Variants in CTXND2 observed in about 807,000 individuals in gnomAD.
The protein encoded by CTXND2 is cortexin domain containing 2.
chr1:150,893,708 C>T (rs1668880437), intron 1 of CTXND2, among the ~76,000 whole-genome samples: 1 of 152,126 alleles, frequency 6.6e-6, no homozygotes, highest in African/African-American at 2.4e-5. Context: ...ATCCTGCTGC[C>T]TCAGCCTCCC....
chr1:150,910,696 C>T (rs112690155), intron 1 of CTXND2, among the ~76,000 whole-genome samples: 1 of 148,676 alleles, frequency 6.7e-6, no homozygotes, highest in African/African-American at 2.5e-5. Flanking sequence ...CAGTAGCATG[C>T]TCTCGGCTCA....
intron 1 of CTXND2, among the ~76,000 whole-genome samples, chr1:150,906,877 A>G (rs886630626): frequency 2.6e-5 from 4 of 152,208 alleles, no homozygotes; most frequent in African/African-American, 4.8e-5. Flanking sequence ...AAGCAGCACC[A>G]TTTGAAGGGG....
At chr1:150,905,517 T>C (rs182205520) in intron 1 of CTXND2, among the ~76,000 whole-genome samples, 119 of 152,248 alleles carry the variant, frequency 7.8e-4, no homozygotes, top group African/African-American at 2.8e-3. Context: ...GTAAAAGATA[T>C]GAGTGCAACT....
rs879104942 is a variant in CTXND2, at chr1:150,912,437, T to C, written c.123T>C (p.Asn41=). 24 of 398,452 alleles carry C rather than the reference T, an allele frequency of 6.0e-5. 1 individual carries two copies. In the Admixed American group the frequency reaches 1.1e-3, roughly 18 times the overall value. The allele number at this position is 398,452 out of a possible 1,614,324, so 24.7% of individuals were successfully genotyped here. ...TTCGGTGTGCCAAGCTGGTGAAGAA[T>C]CCCTACAAGGCCAGCTCCACAACCA... is the stretch of plus-strand genomic sequence containing the variant. Residue 41 remains asparagine, a synonymous_variant, in exon 2 of 2, where the codon AAT becomes AAC. Transcript: ENST00000636087.
chr1:150,900,603 G>T (rs1263519862), intron 1 of CTXND2, among the ~76,000 whole-genome samples: 1 of 152,050 alleles, frequency 6.6e-6, no homozygotes, highest in East Asian at 1.9e-4. Context: ...AGCTGAGATT[G>T]CTCCACTGCA....
intron 1 of CTXND2, among the ~76,000 whole-genome samples, chr1:150,906,066 T>G (rs1438414126): frequency 1.3e-5 from 2 of 150,998 alleles, no homozygotes; most frequent in African/African-American, 4.9e-5. Context: ...GAAGCTGAGG[T>G]GGGCAGAGGG....
intron 1 of CTXND2, among the ~76,000 whole-genome samples, chr1:150,899,992 A>G (rs1668973896): frequency 6.6e-6 from 1 of 152,136 alleles, no homozygotes; most frequent in South Asian, 2.1e-4. Context: ...ACTCTGTAAA[A>G]TGGACCAATC....
chr1:150,900,530 A>G (rs1668995521), intron 1 of CTXND2, among the ~76,000 whole-genome samples: 1 of 152,148 alleles, frequency 6.6e-6, no homozygotes, highest in Non-Finnish European at 1.5e-5. Flanking sequence ...GGCACCTGTA[A>G]TCCCAGCTAT....
At chr1:150,892,666 G>T (rs1668868349) in intron 1 of CTXND2, among the ~76,000 whole-genome samples, 1 of 151,706 alleles carries the variant, frequency 6.6e-6, no homozygotes, top group Non-Finnish European at 1.5e-5. Flanking sequence ...AGCCTCCCAA[G>T]TAGCTGGGAC....
At position 150,905,062 on chromosome 1, in the gene CTXND2, C is replaced by CCACACACACA. The variant is rs58415621; in HGVS notation, c.-73-7147_-73-7138dup. Among the ~76,000 whole-genome samples, 190 of 130,816 alleles carry CCACACACACA rather than the reference C, an allele frequency of 1.5e-3. 1 individual carries two copies. The Middle Eastern group carries it at 0.015, about 10-fold the overall frequency. The allele number at this position is 130,816 out of a possible 152,430, so 85.8% of individuals were successfully genotyped here. On this transcript the variant is annotated intron_variant, in intron 1 of 1. Coordinates refer to ENST00000636087, the Ensembl canonical transcript of CTXND2. ...TAAGACAAGATAATCAAAAAGAAAA[C>CCACACACACA]CACACACACACACACACACACACAC...
chr1:150,910,465 T>C (rs1669234354), intron 1 of CTXND2, among the ~76,000 whole-genome samples: 1 of 152,006 alleles, frequency 6.6e-6, no homozygotes, highest in Non-Finnish European at 1.5e-5. Context: ...AAAAAAACTA[T>C]GGGACTATTG....
intron 1 of CTXND2, among the ~76,000 whole-genome samples, chr1:150,898,851 G>A (rs587672559): frequency 9.6e-4 from 144 of 150,674 alleles, no homozygotes; most frequent in African/African-American, 3.3e-3. Flanking sequence ...GCCCAGGCGG[G>A]CGGATCACGA....
intron 1 of CTXND2, among the ~76,000 whole-genome samples, chr1:150,908,368 C>T (rs1669190059): frequency 6.6e-6 from 1 of 152,130 alleles, no homozygotes; most frequent in Non-Finnish European, 1.5e-5. Context: ...AACTTTGCCA[C>T]TTTACATTCC....
intron 1 of CTXND2, among the ~76,000 whole-genome samples, chr1:150,896,248 A>G (rs587718542): frequency 6.6e-6 from 1 of 152,330 alleles, no homozygotes; most frequent in East Asian, 1.9e-4. Context: ...AGGGTTAAGA[A>G]AAGCCATAGA....
chr1:150,906,062 G>T (rs1195834713), intron 1 of CTXND2, among the ~76,000 whole-genome samples: 1 of 152,026 alleles, frequency 6.6e-6, no homozygotes, highest in Non-Finnish European at 1.5e-5. Context: ...TTGGGAAGCT[G>T]AGGTGGGCAG....
chr1:150,911,817 G>A (rs1285076023), intron 1 of CTXND2, among the ~76,000 whole-genome samples: 1 of 152,182 alleles, frequency 6.6e-6, no homozygotes, highest in East Asian at 1.9e-4. Context: ...ACAATTAAAT[G>A]TAGTGATCAG....
Position 150,902,244 on chromosome 1 carries a change from A to AT in CTXND2, c.-73-9993dup, listed in dbSNP as rs770438933. ...GTGAAACCCCGTCTCTACTAAAAAT[A>AT]TTTTTAAAAAACATTAGCCAGGCGT... On this transcript the variant is annotated intron_variant, in intron 1 of 1. Coordinates refer to ENST00000636087, the Ensembl canonical transcript of CTXND2. 4.2e-3 allele frequency among the ~76,000 whole-genome samples: 645 copies of AT among 152,170 alleles called. 4 individuals carry two copies. Among genetic ancestry groups the AT allele is most frequent in the Non-Finnish European group, 7.4e-3 (504 of 68,004 alleles).
intron 1 of CTXND2, among the ~76,000 whole-genome samples, chr1:150,909,096 G>A (rs762347518): frequency 6.6e-6 from 1 of 151,244 alleles, no homozygotes; most frequent in South Asian, 2.1e-4. Flanking sequence ...AAACGTAGCC[G>A]GGCATGGTGG....
intron 1 of CTXND2, among the ~76,000 whole-genome samples, chr1:150,888,654 A>G (rs1668806584): frequency 6.6e-6 from 1 of 151,860 alleles, no homozygotes; most frequent in Non-Finnish European, 1.5e-5. Context: ...TAGAAACAAA[A>G]CAGCATTTTC....
Sources: allele counts gnomAD v4.1 joint callset (sites outside exome capture counted in the v4.1 genomes callset), GRCh38; gene constraint gnomAD v4.1.1; transcripts MANE v1.5; gene names NCBI Gene and HGNC (gene_info 2026-07-23, HGNC 2026-07-21).